Variants in DPP10 observed in about 807,000 individuals in gnomAD.
The protein encoded by DPP10 is inactive dipeptidyl peptidase 10.
A neutral mutation model predicts 120.9 loss-of-function variants in DPP10; 33 were observed. The ratio of observed to expected loss-of-function variants is 0.27; its 90% CI spans 0.21 to 0.37. The LOEUF is 0.37. Ranked by LOEUF, DPP10 falls within the 10% of genes least tolerant of loss-of-function variation. The pLI is 1.00. For synonymous variants in DPP10, 337 were observed against 326.1 expected, an observed-to-expected ratio of 1.03 and a Z score of -0.36; for missense variants, 816 against 942.8, an observed-to-expected ratio of 0.87 and a Z score of 1.76.
chr2:114,992,224 C>T (rs1367134192), intron 1 of DPP10, among the ~76,000 whole-genome samples: 1 of 152,206 alleles, frequency 6.6e-6, no homozygotes, highest in Non-Finnish European at 1.5e-5. Flanking sequence ...GGACTAATAT[C>T]AGTGCCCAAA....
intron 1 of DPP10, among the ~76,000 whole-genome samples, chr2:114,811,900 A>T (rs1685204823): frequency 6.6e-6 from 1 of 152,206 alleles, no homozygotes; most frequent in Non-Finnish European, 1.5e-5. Context: ...CCAGGTTTTC[A>T]AGAACAAAAG....
intron 5 of DPP10, among the ~76,000 whole-genome samples, chr2:115,558,189 G>A (rs1321605468): frequency 6.6e-6 from 1 of 152,202 alleles, no homozygotes; most frequent in Non-Finnish European, 1.5e-5. Flanking sequence ...TGGATTCAGA[G>A]GGGCAGCTGG....
chr2:114,788,020 T>G (rs1682906758), intron 1 of DPP10, among the ~76,000 whole-genome samples: 1 of 152,216 alleles, frequency 6.6e-6, no homozygotes, highest in Non-Finnish European at 1.5e-5. Context: ...TAACACATAT[T>G]ATCATGTCAT....
intron 1 of DPP10, among the ~76,000 whole-genome samples, chr2:114,960,033 A>C (rs1457996511): frequency 2.6e-5 from 4 of 151,956 alleles, no homozygotes; most frequent in Non-Finnish European, 5.9e-5. Flanking sequence ...TTTAATTAGG[A>C]AAAAAAATTA....
At chr2:114,680,501 A>G (rs1367653122) in intron 1 of DPP10, among the ~76,000 whole-genome samples, 1 of 151,976 alleles carries the variant, frequency 6.6e-6, no homozygotes, top group Non-Finnish European at 1.5e-5. Context: ...CTTTTTAAGA[A>G]TTCAGTATTT....
At chr2:115,764,377 A>G (rs1680474381) in intron 12 of DPP10, among the ~76,000 whole-genome samples, 1 of 152,082 alleles carries the variant, frequency 6.6e-6, no homozygotes, top group South Asian at 2.1e-4. Context: ...GCACATGGTT[A>G]TCTATTAATA....
At chr2:114,801,169 A>T (rs962711489) in intron 1 of DPP10, among the ~76,000 whole-genome samples, 1 of 151,180 alleles carries the variant, frequency 6.6e-6, no homozygotes, top group Non-Finnish European at 1.5e-5. Context: ...AGGCTGAGGC[A>T]GGAGAATGGC....
intron 21 of DPP10, among the ~76,000 whole-genome samples, chr2:115,817,172 G>A (rs978924415): frequency 6.6e-5 from 10 of 151,782 alleles, no homozygotes; most frequent in Non-Finnish European, 1.2e-4. Context: ...GGCTGATCCC[G>A]GGAGGCAGAG....
intron 1 of DPP10, among the ~76,000 whole-genome samples, chr2:114,563,418 T>C (rs1215257632): frequency 6.6e-6 from 1 of 151,888 alleles, no homozygotes; most frequent in Non-Finnish European, 1.5e-5. Context: ...ATTAGCTGTA[T>C]GAAGAGAGTG....
At chr2:115,806,974 G>T (rs1686054184) in intron 19 of DPP10, among the ~76,000 whole-genome samples, 1 of 152,070 alleles carries the variant, frequency 6.6e-6, no homozygotes, top group Non-Finnish European at 1.5e-5. Flanking sequence ...CCTGTCTTTG[G>T]TGTGTTTATA....
chr2:114,514,260 C>T lies in DPP10; in HGVS notation c.60+71422C>T, dbSNP rs79742405. Among the ~76,000 whole-genome samples, 23 of 152,262 alleles carry T rather than the reference C, an allele frequency of 1.5e-4. 1 individual carries two copies. The East Asian group carries it at 4.4e-3, about 29-fold the overall frequency. Reference sequence around the variant, plus strand: ...TGCATGAAGTACCTAATCTCCCCACCAACCCTGTGATGTACACACTCTTAT... The same window carrying T: ...TGCATGAAGTACCTAATCTCCCCACTAACCCTGTGATGTACACACTCTTAT... On this transcript the variant is annotated intron_variant, in intron 1 of 25. Coordinates refer to ENST00000410059, the MANE Select transcript of DPP10 (RefSeq NM_020868.6).
intron 1 of DPP10, among the ~76,000 whole-genome samples, chr2:114,453,049 G>A (rs1678374405): frequency 6.6e-6 from 1 of 152,076 alleles, no homozygotes; most frequent in South Asian, 2.1e-4. Flanking sequence ...GGAGAAAATA[G>A]AAAAGTAGGT....
At chr2:115,821,759 A>G (rs1224115385) in intron 21 of DPP10, among the ~76,000 whole-genome samples, 1 of 152,014 alleles carries the variant, frequency 6.6e-6, no homozygotes, top group Non-Finnish European at 1.5e-5. Context: ...TATGACTATA[A>G]AATAATTTGT....
intron 3 of DPP10, among the ~76,000 whole-genome samples, chr2:115,382,330 G>C (rs929749363): frequency 6.6e-6 from 1 of 152,164 alleles, no homozygotes; most frequent in Non-Finnish European, 1.5e-5. Context: ...TCCAGGTGCC[G>C]TCTGTCACCC....
intron 5 of DPP10, among the ~76,000 whole-genome samples, chr2:115,570,028 T>G (rs2081249592): frequency 6.6e-6 from 1 of 152,244 alleles, no homozygotes; most frequent in Non-Finnish European, 1.5e-5. Flanking sequence ...TACGGTTATC[T>G]GTGTGACACA....
intron 1 of DPP10, among the ~76,000 whole-genome samples, chr2:115,109,156 C>T (rs1224774722): frequency 6.6e-6 from 1 of 152,038 alleles, no homozygotes; most frequent in Non-Finnish European, 1.5e-5. Flanking sequence ...GAAGGATTGC[C>T]CCTTGTAGTA....
At chr2:115,312,093 T>C (rs2061603363) in intron 2 of DPP10, among the ~76,000 whole-genome samples, 1 of 152,234 alleles carries the variant, frequency 6.6e-6, no homozygotes, top group Middle Eastern at 3.4e-3. Flanking sequence ...ACCAAGTGCA[T>C]TTCACATACT....
chr2:115,018,671 C>T (rs558035306), intron 1 of DPP10, among the ~76,000 whole-genome samples: 13 of 152,032 alleles, frequency 8.6e-5, no homozygotes, highest in East Asian at 3.9e-4. Flanking sequence ...CAAGAACACA[C>T]GGACACAGGG....
chr2:115,194,889 TC>T (rs908964856), intron 1 of DPP10, among the ~76,000 whole-genome samples: 2 of 152,186 alleles, frequency 1.3e-5, no homozygotes, highest in African/African-American at 4.8e-5. Flanking sequence ...ACACAGAATC[TC>T]GGGTCCCCTT....
Sources: allele counts gnomAD v4.1 joint callset (sites outside exome capture counted in the v4.1 genomes callset), GRCh38; gene constraint gnomAD v4.1.1; transcripts MANE v1.5; gene names NCBI Gene and HGNC (gene_info 2026-07-23, HGNC 2026-07-21).